The following ZRANB3 variants were observed in gnomAD, a reference collection of about 807,000 sequenced individuals.
ZRANB3 encodes the protein DNA annealing helicase and endonuclease ZRANB3.
ZRANB3 carries 125 observed loss-of-function variants against 133.8 expected under a neutral mutation model. The observed-to-expected ratio is 0.93, with a 90% CI of 0.81 to 1.08. ZRANB3 has a LOEUF of 1.08. ZRANB3 is among the 50% of genes least tolerant of loss of function. The pLI, the probability that ZRANB3 is intolerant of heterozygous loss-of-function variation, is 0.00. For missense variants in ZRANB3, 1,229 were observed against 1,275.5 expected (o/e 0.96, Z 0.56); for synonymous variants, 387 against 432.7 (o/e 0.89, Z 1.31).
intron 2 of ZRANB3, among the ~76,000 whole-genome samples, chr2:135,408,158 G>T (rs1052047072): frequency 6.6e-5 from 10 of 151,646 alleles, no homozygotes; most frequent in African/African-American, 2.4e-4. Context: ...TCAAAAAGTG[G>T]GCAAAGGATA....
chr2:135,479,571 C>G (rs1464519537), intron 2 of ZRANB3, among the ~76,000 whole-genome samples: 1 of 151,942 alleles, frequency 6.6e-6, no homozygotes, highest in African/African-American at 2.4e-5. Context: ...AAGGCTGAGG[C>G]GAGAGAATCG....
intron 3 of ZRANB3, among the ~76,000 whole-genome samples, chr2:135,364,701 G>C (rs1400451817): frequency 6.6e-6 from 1 of 152,120 alleles, no homozygotes; most frequent in Non-Finnish European, 1.5e-5. Context: ...GCAGTGAGCT[G>C]AGATTGCACC....
At chr2:135,400,334 T>C (rs1687680858) in intron 2 of ZRANB3, among the ~76,000 whole-genome samples, 1 of 152,064 alleles carries the variant, frequency 6.6e-6, no homozygotes, top group Non-Finnish European at 1.5e-5. Context: ...AATCCATATT[T>C]TGTTTCTTTG....
At chr2:135,384,795 C>G (rs546825087) in intron 3 of ZRANB3, among the ~76,000 whole-genome samples, 17 of 152,212 alleles carry the variant, frequency 1.1e-4, no homozygotes, top group African/African-American at 4.1e-4. Context: ...ATTCAACAGC[C>G]CTTCATGCTA....
chr2:135,392,351 A>C (rs1344551243), intron 2 of ZRANB3, among the ~76,000 whole-genome samples: 1 of 119,772 alleles, frequency 8.3e-6, no homozygotes, highest in African/African-American at 3.1e-5. Flanking sequence ...ACAAAAAAAA[A>C]AAAAGGGGGG....
intron 11 of ZRANB3, among the ~76,000 whole-genome samples, chr2:135,266,221 A>G (rs1478266775): frequency 5.3e-5 from 8 of 152,202 alleles, no homozygotes; most frequent in Non-Finnish European, 1.0e-4. Flanking sequence ...GCTGACCAGC[A>G]TTAACATTAA....
intron 3 of ZRANB3, among the ~76,000 whole-genome samples, chr2:135,365,687 C>T (rs983263051): frequency 6.6e-6 from 1 of 152,150 alleles, no homozygotes; most frequent in Non-Finnish European, 1.5e-5. Flanking sequence ...GAAGCATTTG[C>T]ACTTGGCAAA....
intron 3 of ZRANB3, among the ~76,000 whole-genome samples, chr2:135,384,603 T>C (rs1686876612): frequency 6.6e-6 from 1 of 152,186 alleles, no homozygotes; most frequent in Admixed American, 6.5e-5. Flanking sequence ...AATAAAATAC[T>C]GGCAAACCGA....
At chr2:135,478,431 C>T (rs1691602394) in intron 2 of ZRANB3, among the ~76,000 whole-genome samples, 1 of 152,138 alleles carries the variant, frequency 6.6e-6, no homozygotes, top group Admixed American at 6.6e-5. Context: ...AACACCGCCA[C>T]CTCCACTGAA....
intron 1 of ZRANB3, among the ~76,000 whole-genome samples, chr2:135,518,841 T>G (rs1693805163): frequency 6.6e-6 from 1 of 152,176 alleles, no homozygotes; most frequent in East Asian, 1.9e-4. Flanking sequence ...AAGATCTATC[T>G]GCTGAGAGGC....
chr2:135,522,326 C>A (rs955522860), intron 1 of ZRANB3, among the ~76,000 whole-genome samples: 1 of 152,128 alleles, frequency 6.6e-6, no homozygotes, highest in Admixed American at 6.5e-5. Flanking sequence ...GGGTGGAGGC[C>A]AACAGCTTGA....
At chr2:135,524,489 T>G (rs1694071450) in intron 1 of ZRANB3, among the ~76,000 whole-genome samples, 1 of 152,196 alleles carries the variant, frequency 6.6e-6, no homozygotes, top group African/African-American at 2.4e-5. Flanking sequence ...ATGAAATACT[T>G]GGCTTTAAGA....
chr2:135,356,019 C>T (rs1685414832), intron 3 of ZRANB3, among the ~76,000 whole-genome samples: 1 of 152,164 alleles, frequency 6.6e-6, no homozygotes. Flanking sequence ...TCATGTATGA[C>T]TAACAATGTT....
At chr2:135,441,926 T>C (rs1421922330) in intron 2 of ZRANB3, among the ~76,000 whole-genome samples, 1 of 152,168 alleles carries the variant, frequency 6.6e-6, no homozygotes, top group African/African-American at 2.4e-5. Context: ...CATCTCAGTC[T>C]AAAGTGAAGG....
chr2:135,380,403 A>G (rs1268860083), intron 3 of ZRANB3, among the ~76,000 whole-genome samples: 1 of 152,226 alleles, frequency 6.6e-6, no homozygotes, highest in Admixed American at 6.5e-5. Flanking sequence ...AATTGACTAC[A>G]TAATTGGAAG....
intron 2 of ZRANB3, among the ~76,000 whole-genome samples, chr2:135,498,681 G>A (rs900549916): frequency 1.3e-5 from 2 of 152,166 alleles, no homozygotes; most frequent in African/African-American, 4.8e-5. Context: ...AAATTTCACT[G>A]AATTCTTTTT....
intron 3 of ZRANB3, among the ~76,000 whole-genome samples, chr2:135,378,011 T>G (rs925063143): frequency 6.6e-6 from 1 of 152,248 alleles, no homozygotes; most frequent in African/African-American, 2.4e-5. Context: ...CTTCCTGCCC[T>G]GGAACATTGG....
chr2:135,218,067 C>T (rs1295940306), intron 16 of ZRANB3, among the ~76,000 whole-genome samples: 1 of 152,146 alleles, frequency 6.6e-6, no homozygotes, highest in African/African-American at 2.4e-5. Context: ...CCTGCCTCAG[C>T]CCCCAAAGTG....
At chr2:135,316,977 A>AT (rs1327239163) in intron 6 of ZRANB3, among the ~76,000 whole-genome samples, 13 of 144,510 alleles carry the variant, frequency 9.0e-5, no homozygotes, top group African/African-American at 3.5e-4. Flanking sequence ...GAAAAAAAAA[A>AT]AAAAAAATAT....
Sources: allele counts gnomAD v4.1 joint callset (sites outside exome capture counted in the v4.1 genomes callset), GRCh38; gene constraint gnomAD v4.1.1; transcripts MANE v1.5; gene names NCBI Gene and HGNC (gene_info 2026-07-23, HGNC 2026-07-21).